The following COL14A1 variants were observed in gnomAD, a reference collection of about 807,000 sequenced individuals.
COL14A1 encodes collagen alpha-1(XIV) chain.
A neutral mutation model predicts 230.3 loss-of-function variants in COL14A1; 136 were observed. That is an observed-to-expected ratio of 0.59 (90% CI 0.51 to 0.68). The LOEUF is 0.68. COL14A1 is among the 30% of genes least tolerant of loss of function. The pLI, the probability that COL14A1 is intolerant of heterozygous loss-of-function variation, is 0.00. For synonymous variants in COL14A1, 792 were observed against 784.1 expected (o/e 1.01, Z -0.17); for missense variants, 1,976 against 2,215.8 (o/e 0.89, Z 2.17).
intron 5 of COL14A1, among the ~76,000 whole-genome samples, chr8:120,168,678 G>A (rs1190982747): frequency 1.3e-5 from 2 of 152,116 alleles, no homozygotes; most frequent in Non-Finnish European, 2.9e-5. Flanking sequence ...TGCAAAATGT[G>A]GAGAATGGGA....
intron 35 of COL14A1, 27 bp downstream of exon 35, chr8:120,297,615 G>T (rs1396118815): frequency 7.7e-7 from 1 of 1,295,300 alleles, no homozygotes; most frequent in South Asian, 2.4e-5. Flanking sequence ...CATTTCTATT[G>T]ATTTTTTAAA....
chr8:120,169,242 C>T (rs1388057692), intron 5 of COL14A1, among the ~76,000 whole-genome samples: 1 of 152,130 alleles, frequency 6.6e-6, no homozygotes, highest in Non-Finnish European at 1.5e-5. Context: ...AACTGTGGAA[C>T]TGCAAGGTTA....
chr8:120,305,216 G>A (rs1820822733), intron 36 of COL14A1, among the ~76,000 whole-genome samples: 4 of 152,114 alleles, frequency 2.6e-5, no homozygotes, highest in African/African-American at 7.2e-5. Flanking sequence ...CTAACCTAAG[G>A]TGATCTGCCT....
chr8:120,235,495 A>G (rs978263218), intron 19 of COL14A1, among the ~76,000 whole-genome samples: 2 of 151,534 alleles, frequency 1.3e-5, no homozygotes, highest in South Asian at 4.2e-4. Flanking sequence ...TGTCTACTTG[A>G]TTCTTCTCTC....
Position 120,216,333 on chromosome 8 carries a change from A to G in COL14A1, c.1598-18A>G. On this transcript the variant is annotated intron_variant, in intron 13 of 47. Coordinates refer to ENST00000297848, the MANE Select transcript of COL14A1 (RefSeq NM_021110.4). ...TAATTTGACATTTTAATTATTTTCT[A>G]TTCCATTTACTGCCAAGTGGCTTTA... 2 of 1,589,470 alleles carry G rather than the reference A, an allele frequency of 1.3e-6. No homozygotes were observed. The highest frequency in any genetic ancestry group is 1.4e-5 in the African/African-American group (1 of 73,216).
intron 19 of COL14A1, among the ~76,000 whole-genome samples, chr8:120,238,490 C>G (rs4871050): frequency 0.59 from 89,289 of 152,034 alleles, 27,601 homozygotes; most frequent in East Asian, 0.79. Context: ...GTTGACTTCA[C>G]ATTGCTGTGC....
chr8:120,323,797 C>T (rs79160719), intron 40 of COL14A1, among the ~76,000 whole-genome samples: 1 of 152,076 alleles, frequency 6.6e-6, no homozygotes. Flanking sequence ...TGTACAAGTA[C>T]CATGTTCTTT....
intron 4 of COL14A1, among the ~76,000 whole-genome samples, chr8:120,164,804 ATAACT>A (rs1815809631): frequency 6.6e-6 from 1 of 152,240 alleles, no homozygotes; most frequent in Non-Finnish European, 1.5e-5. Flanking sequence ...AGTTGCTGAA[ATAACT>A]TCACTTACAG....
Position 120,300,602 on chromosome 8 carries a change from T to C in COL14A1, c.4315-130T>C, listed in dbSNP as rs113293030. The C allele has an allele frequency of 1.2e-3, 869 of 710,280 alleles. 4 individuals carry two copies. The African/African-American group carries it at 0.013, about 10-fold the overall frequency. 44.0% of individuals were successfully genotyped at this position (710,280 alleles called of 1,614,324 possible). ...AAAAGATTTTGTAATCAGGAGTGAA[T>C]ATTCTCTGCCTTTCTAATGTGCACT... is the stretch of plus-strand genomic sequence containing the variant. On this transcript the variant is annotated intron_variant, in intron 35 of 47. Coordinates refer to ENST00000297848, the MANE Select transcript of COL14A1 (RefSeq NM_021110.4).
intron 19 of COL14A1, among the ~76,000 whole-genome samples, chr8:120,238,377 C>T (rs558251442): frequency 3.9e-5 from 6 of 152,264 alleles, no homozygotes; most frequent in African/African-American, 1.4e-4. Context: ...TCTGCCCAGT[C>T]CAAACTTCCA....
rs1027519552 is a variant in COL14A1, at chr8:120,373,377, A to G, written c.*2146A>G. Among the ~76,000 whole-genome samples, 1 of 152,162 alleles carries G rather than the reference A, an allele frequency of 6.6e-6. No homozygotes were observed. Among genetic ancestry groups the G allele is most frequent in the East Asian group, 1.9e-4 (1 of 5,190 alleles). On this transcript the variant is annotated 3_prime_UTR_variant, in exon 48 of 48. Coordinates refer to ENST00000297848, the MANE Select transcript of COL14A1 (RefSeq NM_021110.4). ...CTTGGACCCAGTATATCAGATTTTT[A>G]TTGAGTAAAATGTTAAAAATAATAA...
chr8:120,142,977 A>G (rs1301017156), intron 1 of COL14A1, among the ~76,000 whole-genome samples: 1 of 152,232 alleles, frequency 6.6e-6, no homozygotes, highest in African/African-American at 2.4e-5. Flanking sequence ...TGTTACTTTG[A>G]AAGTTTACGT....
At chr8:120,142,908 G>T (rs560839646) in intron 1 of COL14A1, among the ~76,000 whole-genome samples, 1 of 152,210 alleles carries the variant, frequency 6.6e-6, no homozygotes, top group South Asian at 2.1e-4. Flanking sequence ...TATTCCTTTA[G>T]ATATACCATA....
chr8:120,154,923 C>T (rs1174801623), intron 2 of COL14A1, among the ~76,000 whole-genome samples: 3 of 152,154 alleles, frequency 2.0e-5, no homozygotes, highest in Non-Finnish European at 2.9e-5. Flanking sequence ...TCAATCCTGC[C>T]GCCCTTGCTT....
intron 26 of COL14A1, among the ~76,000 whole-genome samples, chr8:120,275,334 A>G (rs1003177901): frequency 1.3e-5 from 2 of 152,002 alleles, no homozygotes; most frequent in African/African-American, 4.8e-5. Flanking sequence ...TTATACAAAA[A>G]TCAACTCAAG....
intron 22 of COL14A1, among the ~76,000 whole-genome samples, chr8:120,253,049 G>A (rs1243483465): frequency 1.3e-5 from 2 of 152,162 alleles, no homozygotes; most frequent in African/African-American, 4.8e-5. Flanking sequence ...CACTGTTGTG[G>A]CTTCACTAAT....
chr8:120,161,176 T>A (rs898025922), intron 3 of COL14A1, among the ~76,000 whole-genome samples: 1 of 152,192 alleles, frequency 6.6e-6, no homozygotes, highest in African/African-American at 2.4e-5. Flanking sequence ...GCAGCCCAGA[T>A]AATAGCAGCA....
intron 31 of COL14A1, among the ~76,000 whole-genome samples, chr8:120,283,346 A>G (rs1820097756): frequency 6.6e-6 from 1 of 152,226 alleles, no homozygotes; most frequent in Non-Finnish European, 1.5e-5. Context: ...AAGTGATAAA[A>G]TAGCCAAACA....
chr8:120,200,304 T>G (rs1002486926), intron 8 of COL14A1, among the ~76,000 whole-genome samples: 1 of 152,086 alleles, frequency 6.6e-6, no homozygotes, highest in Non-Finnish European at 1.5e-5. Context: ...AGGGTCCCTT[T>G]TATTATGTTT....
Sources: gnomAD v4.1 joint callset for allele counts (sites outside exome capture counted in the v4.1 genomes callset) on GRCh38, gnomAD v4.1.1 for gene constraint, MANE v1.5 for transcripts, NCBI Gene and HGNC (gene_info 2026-07-23, HGNC 2026-07-21) for gene names.